CYP4F2: variants seen among roughly 807,000 people sequenced by gnomAD.
The protein encoded by CYP4F2 is cytochrome P450 family 4 subfamily F member 2.
In CYP4F2, 58 loss-of-function variants were observed where a neutral mutation model predicts 58.9. That is an observed-to-expected ratio of 0.98 (90% CI 0.80 to 1.23). The LOEUF is 1.23. Among genes scored for constraint, CYP4F2 ranks in the 50% most tolerant of loss-of-function variants. The pLI, the probability that CYP4F2 is intolerant of heterozygous loss-of-function variation, is 0.00. For synonymous variants in CYP4F2, 287 were observed against 261.1 expected, an observed-to-expected ratio of 1.10 and a Z score of -0.95; for missense variants, 616 against 685.6, an observed-to-expected ratio of 0.90 and a Z score of 1.13.
chr19:15,879,191 C>A lies in CYP4F2; in HGVS notation c.1397+155G>T, dbSNP rs182782476. On this transcript the variant is annotated intron_variant, in intron 12 of 12. Coordinates refer to ENST00000221700, the MANE Select transcript of CYP4F2 (RefSeq NM_001082.5). ...CAGACCCTTCTAGGACCAACCCAAC[C>A]GTACTCTATGGACCTTTTCCTATAA... Among the ~76,000 whole-genome samples the A allele has an allele frequency of 2.0e-5, 3 of 152,258 alleles. No homozygotes were observed. In the East Asian group the frequency reaches 5.8e-4, roughly 30 times the overall value.
At chr19:15,897,933 G>C (rs567694446) in intron 1 of CYP4F2, 93 bp downstream of exon 1, 2 of 315,710 alleles carry the variant, frequency 6.3e-6, no homozygotes, top group African/African-American at 2.3e-5. Flanking sequence ...CCATCCTCCA[G>C]GCCAGCACCC....
In CYP4F2 at chr19:15,889,548, C is replaced by T. The variant is rs750598459; in HGVS notation, c.793G>A (p.Asp265Asn). The change falls in exon 7 of 13, where the codon GAC becomes AAC. Residue 265 changes from aspartate (D) to asparagine (N), a missense_variant. Coordinates refer to ENST00000221700, the MANE Select transcript of CYP4F2 (RefSeq NM_001082.5). ...TCCTGGATGACGGCATCTGTGAAGT[C>T]GTGCACCAGGCGGCAGGCCCTGCGG... ...RFRRACRLVH[D>N]FTDAVIQERR... 2.7e-5 allele frequency: 44 copies of T among 1,614,062 alleles called. No individual in the cohort carries two copies. Among genetic ancestry groups the T allele is most frequent in the South Asian group, 9.9e-5 (9 of 91,092 alleles).
chr19:15,879,147 G>T (rs1442205123), intron 12 of CYP4F2, among the ~76,000 whole-genome samples, 199 bp downstream of exon 12: 1 of 152,146 alleles, frequency 6.6e-6, no homozygotes, highest in Non-Finnish European at 1.5e-5. Context: ...TGGGGTAGGA[G>T]GGGGCTCTGA....
At position 15,879,642 on chromosome 19, in the gene CYP4F2, C is replaced by T. The variant is rs751427624; in HGVS notation, c.1276G>A (p.Gly426Arg). 11 of 1,614,082 alleles carry T rather than the reference C, an allele frequency of 6.8e-6. No individual in the cohort carries two copies. Among genetic ancestry groups the T allele is most frequent in the South Asian group, 2.2e-5 (2 of 91,076 alleles). Residue 426 changes from glycine to arginine, a missense_variant, in exon 11 of 13, where the codon GGA (glycine) becomes AGA (arginine). Coordinates refer to ENST00000221700, the MANE Select transcript of CYP4F2 (RefSeq NM_001082.5). ...KGIICLISVF[G>R]THHNPAVWPD... is the part of the protein sequence containing the mutation. ...CACACAGCTGGGTTGTGATGGGTTC[C>T]GAAAACACTGATGAGGCAGATAATG...
chr19:15,884,373 A>G (rs1334556702), intron 9 of CYP4F2, among the ~76,000 whole-genome samples: 1 of 152,236 alleles, frequency 6.6e-6, no homozygotes. Context: ...ATTAACGGGC[A>G]TAAATAAGAG....
chr19:15,894,137 A>T (rs1473140367), intron 3 of CYP4F2, among the ~76,000 whole-genome samples: 2 of 152,156 alleles, frequency 1.3e-5, no homozygotes, highest in Non-Finnish European at 2.9e-5. Flanking sequence ...CCCATTTTCC[A>T]GATGAAGAGC....
intron 11 of CYP4F2, 79 bp from the exon 12 acceptor site, chr19:15,879,507 T>C: frequency 6.2e-7 from 1 of 1,607,806 alleles, no homozygotes; most frequent in Non-Finnish European, 8.5e-7. Context: ...GTTGTGTGTG[T>C]CTTTGAGGGA....
chr19:15,897,910 A>C, intron 1 of CYP4F2, 116 bp downstream of exon 1: 1 of 337,916 alleles, frequency 3.0e-6, no homozygotes, highest in Non-Finnish European at 5.5e-6. Flanking sequence ...GGTTTCAGTT[A>C]CTCGGAAACC....
rs781267896 is a variant in CYP4F2 at position 15,892,565 on chromosome 19, C to G, written c.361G>C (p.Asp121His). 6.2e-7 allele frequency: 1 copy of G among 1,614,050 alleles called. No individual in the cohort carries two copies. The highest frequency in any genetic ancestry group is 2.2e-5 in the East Asian group (1 of 44,864). ...TCCAGGAAGCTGTAGAAGAACTTGT[C>G]CTTTGGTGCAATGGCAGCTGACATA... ...INASAAIAPKDKFFYSFLEPW... is the reference protein window; with the variant it reads ...INASAAIAPKHKFFYSFLEPW... Residue 121 changes from aspartate (D) to histidine (H), a missense_variant, in exon 4 of 13, where the codon GAC becomes CAC. By Grantham distance (81) the Asp-to-His change is moderately conservative. Coordinates refer to ENST00000221700, the MANE Select transcript of CYP4F2 (RefSeq NM_001082.5).
chr19:15,878,745 GGGGTCAGAGT>G lies in CYP4F2; in HGVS notation c.*16_*25del. On this transcript the variant is annotated 3_prime_UTR_variant, in exon 13 of 13. Coordinates refer to ENST00000221700, the MANE Select transcript of CYP4F2 (RefSeq NM_001082.5). ...TTGATGAATCAGGGGTCATTTTAGT[GGGGTCAGAGT>G]GGGTCTCTGCAGAACTCAGCTCAGG... The G allele has an allele frequency of 1.2e-6, 2 of 1,609,882 alleles. No homozygotes were observed. The highest frequency in any genetic ancestry group is 1.7e-6 in the Non-Finnish European group (2 of 1,177,644).
At chr19:15,884,531 T>C (rs548137203) in intron 9 of CYP4F2, among the ~76,000 whole-genome samples, 1 of 152,366 alleles carries the variant, frequency 6.6e-6, no homozygotes, top group Admixed American at 6.5e-5. Context: ...GCGACAGATA[T>C]CCCAAGTACA....
At chr19:15,887,827 AAC>A (rs1568471689) in intron 7 of CYP4F2, among the ~76,000 whole-genome samples, 1 of 146,268 alleles carries the variant, frequency 6.8e-6, no homozygotes, top group African/African-American at 2.6e-5. Context: ...TAGAAACACA[AAC>A]ACACATAAAC....
rs575384303 is a variant in CYP4F2, at chr19:15,882,292, G to A, written c.1116-2395C>T. ...AAAGAAAAGAAAAGAAATAGAAGCA[G>A]AATGATGGTTACCAGAGGCCAGGGC... On this transcript the variant is annotated intron_variant, in intron 9 of 12. Coordinates refer to ENST00000221700, the MANE Select transcript of CYP4F2 (RefSeq NM_001082.5). 5.5e-4 allele frequency among the ~76,000 whole-genome samples: 83 copies of A among 151,956 alleles called. 1 individual carries two copies. The highest frequency in any genetic ancestry group is 6.8e-3 in the Middle Eastern group (2 of 294).
At position 15,889,487 on chromosome 19, in the gene CYP4F2, T is replaced by A. The variant is rs1452267339; in HGVS notation, c.854A>T (p.Asp285Val). ...RRTLPSQGVD[D>V]FLQAKAKSKT... ...GGATTTGGCCTTGGCTTGGAGGAAGTCATCAACACCCTGGCTAGGGAGAGT... is the reference window on the plus strand; with the variant it reads ...GGATTTGGCCTTGGCTTGGAGGAAGACATCAACACCCTGGCTAGGGAGAGT... Residue 285 changes from aspartate (D) to valine (V), a missense_variant, in exon 7 of 13, where the codon GAC becomes GTC. Asp to Val is a radical substitution (Grantham distance 152, BLOSUM62 -3). Coordinates refer to ENST00000221700, the MANE Select transcript of CYP4F2 (RefSeq NM_001082.5). 1 of 1,614,100 alleles carries A rather than the reference T, an allele frequency of 6.2e-7. No individual in the cohort carries two copies. Among genetic ancestry groups the A allele is most frequent in the East Asian group, 2.2e-5 (1 of 44,872 alleles).
At chr19:15,891,433 C>G (rs1215008581) in intron 5 of CYP4F2, among the ~76,000 whole-genome samples, 1 of 152,004 alleles carries the variant, frequency 6.6e-6, no homozygotes, top group African/African-American at 2.4e-5. Context: ...ATTTATGAAA[C>G]AGTAACAAGC....
At chr19:15,893,887 GA>G in intron 3 of CYP4F2, 1 of 265,464 alleles carries the variant, frequency 3.8e-6, no homozygotes, top group Non-Finnish European at 7.7e-6. Context: ...TGAATCTGGA[GA>G]AAAACACACA....
Position 15,889,698 on chromosome 19 carries a change from A to G in CYP4F2, c.648-5T>C, listed in dbSNP as rs1194514111. 8 of 1,613,226 alleles carry G rather than the reference A, an allele frequency of 5.0e-6. No individual in the cohort carries two copies. Among genetic ancestry groups the G allele is most frequent in the Non-Finnish European group, 6.8e-6 (8 of 1,179,262 alleles). On this transcript the variant is annotated splice_polypyrimidine_tract_variant and splice_region_variant and intron_variant, in intron 6 of 12. Transcript: ENST00000221700. ...GCAATATATTCACTGGGTTTCCTGC[A>G]GGATAAGGGCAGAAAGGGAGGCAAC...
chr19:15,880,355 G>A (rs750010873), intron 9 of CYP4F2, among the ~76,000 whole-genome samples: 4 of 152,100 alleles, frequency 2.6e-5, no homozygotes, highest in Non-Finnish European at 4.4e-5. Context: ...TTGGCTGGGC[G>A]TGGTGGCTCA....
intron 7 of CYP4F2, among the ~76,000 whole-genome samples, chr19:15,887,617 CACAT>C (rs2089388327): frequency 6.6e-6 from 1 of 151,842 alleles, no homozygotes; most frequent in Non-Finnish European, 1.5e-5. Context: ...GACACACACA[CACAT>C]AGACTAAGTC....
Sources: gnomAD v4.1 joint callset for allele counts (sites outside exome capture counted in the v4.1 genomes callset) on GRCh38, gnomAD v4.1.1 for gene constraint, MANE v1.5 for transcripts, NCBI Gene and HGNC (gene_info 2026-07-23, HGNC 2026-07-21) for gene names.